The following MGAT5 variants were observed in gnomAD, a reference collection of about 807,000 sequenced individuals.
The protein encoded by MGAT5 is alpha-1,6-mannosylglycoprotein 6-beta-N-acetylglucosaminyltransferase.
MGAT5 carries 30 observed loss-of-function variants against 94.3 expected under a neutral mutation model. The observed-to-expected ratio is 0.32, with a 90% CI of 0.24 to 0.43. MGAT5 has a LOEUF of 0.43. Ranked by LOEUF, MGAT5 falls within the 20% of genes least tolerant of loss-of-function variation. MGAT5 has a pLI of 1.00. For synonymous variants in MGAT5, 310 were observed against 322.9 expected (o/e 0.96, Z 0.43); for missense variants, 691 against 905.5 (o/e 0.76, Z 3.04).
intron 1 of MGAT5, among the ~76,000 whole-genome samples, chr2:134,141,784 G>A (rs926444014): frequency 6.6e-6 from 1 of 152,234 alleles, no homozygotes; most frequent in Non-Finnish European, 1.5e-5. Flanking sequence ...ATTGCTGGCA[G>A]CAGTCAGCAT....
At chr2:134,193,675 TTGTGTGTGTG>T (rs58044792) in intron 1 of MGAT5, among the ~76,000 whole-genome samples, 3,089 of 130,872 alleles carry the variant, frequency 0.024, 120 homozygotes, top group African/African-American at 0.076. Flanking sequence ...CCCCAAATCT[TTGTGTGTGTG>T]TGTGTGTGTG....
At chr2:134,249,160 G>T (rs928127343), upstream of MGAT5, among the ~76,000 whole-genome samples, 2 of 151,908 alleles carry the variant, frequency 1.3e-5, no homozygotes, top group African/African-American at 4.8e-5. Flanking sequence ...TCATCTGCCT[G>T]CTCTAAGCCA....
At chr2:134,172,694 T>C (rs1463590621) in intron 1 of MGAT5, among the ~76,000 whole-genome samples, 1 of 152,212 alleles carries the variant, frequency 6.6e-6, no homozygotes, top group South Asian at 2.1e-4. Context: ...CCAGTACTTC[T>C]TATTTTACCC....
intron 2 of MGAT5, among the ~76,000 whole-genome samples, chr2:134,277,938 C>T (rs1684477528): frequency 6.6e-6 from 1 of 152,164 alleles, no homozygotes; most frequent in Non-Finnish European, 1.5e-5. Flanking sequence ...CATGTTTTGT[C>T]AATAATCTCT....
intron 10 of MGAT5, among the ~76,000 whole-genome samples, chr2:134,387,285 A>G (rs1225034961): frequency 1.6e-5 from 2 of 128,020 alleles, no homozygotes; most frequent in Non-Finnish European, 3.2e-5. Context: ...AAAATAAAAA[A>G]TAAAAAGTTA....
chr2:134,425,454 T>G (rs1305225546), intron 13 of MGAT5, among the ~76,000 whole-genome samples: 1 of 152,096 alleles, frequency 6.6e-6, no homozygotes, highest in Non-Finnish European at 1.5e-5. Context: ...TTTTTAAGTG[T>G]TGAGGATTTT....
At position 134,450,180 on chromosome 2, in the gene MGAT5, A is replaced by C. The variant is rs1686025849; in HGVS notation, c.*1333A>C. On this transcript the variant is annotated 3_prime_UTR_variant, in exon 16 of 16. Transcript: ENST00000281923. ...AATCATTGCTGCCATGCTCTGTACA[A>C]GTTTGTAAGTTTCTGAAAAGCCCCT... 6.6e-6 allele frequency: 1 copy of C among 152,152 alleles called. No homozygotes were observed. The highest frequency in any genetic ancestry group is 1.5e-5 in the Non-Finnish European group (1 of 68,098). 9.4% of individuals were successfully genotyped at this position (152,152 alleles called of 1,614,324 possible).
At chr2:134,218,745 A>T (rs1680615779) in intron 1 of MGAT5, among the ~76,000 whole-genome samples, 1 of 152,186 alleles carries the variant, frequency 6.6e-6, no homozygotes, top group African/African-American at 2.4e-5. Flanking sequence ...AAGGGTAAGG[A>T]TATAGACTTG....
intron 1 of MGAT5, among the ~76,000 whole-genome samples, chr2:134,191,576 C>T (rs1679171517): frequency 1.3e-5 from 2 of 151,442 alleles, no homozygotes; most frequent in African/African-American, 2.4e-5. Context: ...GCGCCCTCCT[C>T]CTTCTGGCGC....
intron 1 of MGAT5, among the ~76,000 whole-genome samples, chr2:134,197,093 G>T (rs1679529862): frequency 6.6e-6 from 1 of 152,210 alleles, no homozygotes; most frequent in Non-Finnish European, 1.5e-5. Context: ...GATGTATGTG[G>T]TGGATGGTAT....
At chr2:134,374,972 G>T (rs753659636) in intron 10 of MGAT5, among the ~76,000 whole-genome samples, 1 of 152,214 alleles carries the variant, frequency 6.6e-6, no homozygotes, top group African/African-American at 2.4e-5. Flanking sequence ...GATAAATCGA[G>T]ACTCTTGCTC....
intron 1 of MGAT5, among the ~76,000 whole-genome samples, chr2:134,264,611 A>G (rs1421103834): frequency 2.6e-5 from 4 of 151,904 alleles, no homozygotes; most frequent in African/African-American, 9.7e-5. Flanking sequence ...TACATAATAA[A>G]TGGACTGTAT....
At chr2:134,375,036 T>C (rs1012050104) in intron 10 of MGAT5, among the ~76,000 whole-genome samples, 3 of 152,188 alleles carry the variant, frequency 2.0e-5, no homozygotes, top group African/African-American at 7.2e-5. Flanking sequence ...CCCTGCTCAG[T>C]TGTAATTTGT....
At chr2:134,237,050 T>A (rs141117558) in intron 1 of MGAT5, among the ~76,000 whole-genome samples, 88 of 152,198 alleles carry the variant, frequency 5.8e-4, no homozygotes, top group Admixed American at 1.6e-3. Flanking sequence ...GTGCTAGTAA[T>A]CTCTCCTTTT....
chr2:134,440,698 G>C (rs1330002947), intron 14 of MGAT5, among the ~76,000 whole-genome samples: 1 of 152,162 alleles, frequency 6.6e-6, no homozygotes, highest in African/African-American at 2.4e-5. Context: ...AAATCAGAAG[G>C]GAACAGACCA....
chr2:134,385,323 T>G (rs1449513904), intron 10 of MGAT5, among the ~76,000 whole-genome samples: 2 of 152,178 alleles, frequency 1.3e-5, no homozygotes, highest in Non-Finnish European at 2.9e-5. Flanking sequence ...TAAACAGCAA[T>G]AGCAGCAAAA....
At chr2:134,187,142 C>T (rs897412674) in intron 1 of MGAT5, among the ~76,000 whole-genome samples, 19 of 151,988 alleles carry the variant, frequency 1.3e-4, no homozygotes, top group Admixed American at 2.6e-4. Context: ...AAGTAGTGCC[C>T]GTATATGGAA....
rs1372102023 is a variant in MGAT5, at chr2:134,412,948, C to T, written c.1610C>T (p.Pro537Leu). The change falls in exon 12 of 16, where the codon CCC becomes CTC. Residue 537 changes from proline to leucine, a missense_variant. Transcript: ENST00000281923. ...GCAAATGGATGTGCTTTTCTGAATC[C>T]CAAGTTCAACCCACCCAAAAGCAGC... ...AIANGCAFLN[P>L]KFNPPKSSKN... 1 of 1,614,114 alleles carries T rather than the reference C, an allele frequency of 6.2e-7. No homozygotes were observed. The highest frequency in any genetic ancestry group is 1.1e-5 in the South Asian group (1 of 91,086).
chr2:134,375,513 G>C (rs977621549), intron 10 of MGAT5, among the ~76,000 whole-genome samples: 1 of 152,186 alleles, frequency 6.6e-6, no homozygotes, highest in African/African-American at 2.4e-5. Context: ...GTGAAACAAA[G>C]CTTTATTCTA....
Sources: gnomAD v4.1 joint callset for allele counts (sites outside exome capture counted in the v4.1 genomes callset) on GRCh38, gnomAD v4.1.1 for gene constraint, MANE v1.5 for transcripts, NCBI Gene and HGNC (gene_info 2026-07-23, HGNC 2026-07-21) for gene names.